DNAAF1: variants seen among roughly 807,000 people sequenced by gnomAD.
The protein encoded by DNAAF1 is dynein axonemal assembly factor 1.
DNAAF1 carries 65 observed loss-of-function variants against 71.1 expected under a neutral mutation model. The ratio of observed to expected loss-of-function variants is 0.91; its 90% CI spans 0.75 to 1.12. The LOEUF is 1.12. DNAAF1 is among the 50% of genes most tolerant of loss of function. The pLI is 0.00. For synonymous variants in DNAAF1, 414 were observed against 354.6 expected (o/e 1.17, Z -1.88); for missense variants, 1,178 against 899.8 (o/e 1.31, Z -3.96).
rs988312809 is a variant in DNAAF1 at position 84,158,977 on chromosome 16, C to T, written c.742-698C>T. ...AACTCCTGACCTCAAGTGATCCACC[C>T]ACCTCAGCCTCCCAAAGTGCTGAGA... On this transcript the variant is annotated intron_variant, in intron 5 of 11. Transcript: ENST00000378553. 2.1e-5 allele frequency: 20 copies of T among 955,242 alleles called. No individual in the cohort carries two copies. The African/African-American group carries it at 3.5e-4, about 17-fold the overall frequency. 59.2% of individuals were successfully genotyped at this position (955,242 alleles called of 1,614,324 possible). A position where few individuals can be genotyped will look rare whatever the true frequency, so the allele number is the denominator to read the frequency against.
At chr16:84,150,066 A>T (rs1430012406) in intron 2 of DNAAF1, among the ~76,000 whole-genome samples, 185 bp from the exon 3 acceptor site, 1 of 152,176 alleles carries the variant, frequency 6.6e-6, no homozygotes, top group Non-Finnish European at 1.5e-5. Flanking sequence ...GAGGCCCTAA[A>T]ATCTGTACAA....
chr16:84,160,940 A>G (rs1034038851), intron 6 of DNAAF1, among the ~76,000 whole-genome samples: 3 of 151,298 alleles, frequency 2.0e-5, no homozygotes, highest in Non-Finnish European at 3.0e-5. Context: ...CCGTCTCAAA[A>G]AAAAAAAAAA....
chr16:84,149,172 AT>A, intron 2 of DNAAF1, 30 bp downstream of exon 2: 1 of 1,613,422 alleles, frequency 6.2e-7, no homozygotes, highest in South Asian at 1.1e-5. Context: ...ATTAGTGCAC[AT>A]TTATGGAGTA....
At chr16:84,152,377 GC>G (rs1232924175) in intron 3 of DNAAF1, among the ~76,000 whole-genome samples, 1 of 152,188 alleles carries the variant, frequency 6.6e-6, no homozygotes, top group Admixed American at 6.5e-5. Context: ...TTAAGGCCAG[GC>G]GTGGTGGCTC....
At chr16:84,149,845 T>C (rs896977706) in intron 2 of DNAAF1, among the ~76,000 whole-genome samples, 2 of 150,258 alleles carry the variant, frequency 1.3e-5, no homozygotes, top group Non-Finnish European at 3.0e-5. Flanking sequence ...ACCAACATGG[T>C]GAAACCCCCC....
chr16:84,156,463 G>C (rs905584372), intron 5 of DNAAF1, among the ~76,000 whole-genome samples: 6 of 152,138 alleles, frequency 3.9e-5, no homozygotes, highest in African/African-American at 1.4e-4. Flanking sequence ...TCCTTCCACT[G>C]CCAGCTCCTC....
Position 84,176,238 on chromosome 16 carries a change from T to G in DNAAF1, c.2004T>G (p.Asp668Glu). 1 of 1,613,738 alleles carries G rather than the reference T, an allele frequency of 6.2e-7. No homozygotes were observed. The highest frequency in any genetic ancestry group is 2.2e-5 in the East Asian group (1 of 44,874). ...QLLMPPTCQR[D>E]AAPLTSSGDR... ...TGATGCCCCCCACCTGCCAAAGAGATGCTGCACCACTCACTTCCAGTGGAG... is the reference window on the plus strand; with the variant it reads ...TGATGCCCCCCACCTGCCAAAGAGAGGCTGCACCACTCACTTCCAGTGGAG... Residue 668 changes from aspartate (D) to glutamate (E), a missense_variant, in exon 11 of 12, where the codon GAT (aspartate) becomes GAG (glutamate). Physicochemically the swap from Asp to Glu is conservative, Grantham distance 45. Coordinates refer to ENST00000378553, the MANE Select transcript of DNAAF1 (RefSeq NM_178452.6).
At position 84,149,030 on chromosome 16, in the gene DNAAF1, T is replaced by C. The variant is rs1268513300; in HGVS notation, c.148T>C (p.Cys50Arg). The change falls in exon 2 of 12, where the codon TGT (cysteine) becomes CGT (arginine). Residue 50 changes from cysteine to arginine, a missense_variant. Physicochemically the swap from Cys to Arg is radical, Grantham distance 180. Coordinates refer to ENST00000378553, the MANE Select transcript of DNAAF1 (RefSeq NM_178452.6). The stretch of plus-strand genomic sequence containing the variant: ...AGAAATTAATGATCCTAAGGAAATA[T>C]GTGTGGGTTCTTCTGACACATCCTA... ...KEEINDPKEI[C>R]VGSSDTSYHS... The C allele has an allele frequency of 6.2e-7, 1 of 1,614,140 alleles. No homozygotes were observed. The highest frequency in any genetic ancestry group is 1.3e-5 in the African/African-American group (1 of 75,036).
intron 11 of DNAAF1, chr16:84,176,676 G>A (rs1305323408): frequency 3.4e-5 from 12 of 351,800 alleles, no homozygotes; most frequent in Middle Eastern, 2.0e-3. Context: ...CTTTTGGAGG[G>A]GACCACCAAC....
chr16:84,172,585 G>A lies in DNAAF1; in HGVS notation c.1644+210G>A, dbSNP rs1039541434. ...AATCCAACTTTCATGCACTGCCCTA[G>A]GTGATTCGTGCACATGCATGCTCAA... On this transcript the variant is annotated intron_variant, in intron 9 of 11. Transcript: ENST00000378553. The A allele has an allele frequency of 1.8e-5, 25 of 1,388,854 alleles. No homozygotes were observed. The South Asian group carries it at 3.5e-4, about 20-fold the overall frequency. The allele number at this position is 1,388,854 out of a possible 1,614,324, so 86.0% of individuals were successfully genotyped here. A position where few individuals can be genotyped will look rare whatever the true frequency, so the allele number is the denominator to read the frequency against.
intron 5 of DNAAF1, among the ~76,000 whole-genome samples, chr16:84,159,383 C>G (rs914327156): frequency 6.6e-6 from 1 of 152,148 alleles, no homozygotes; most frequent in African/African-American, 2.4e-5. Flanking sequence ...ATCAACTGCA[C>G]TCAGAAAAAG....
intron 6 of DNAAF1, among the ~76,000 whole-genome samples, 173 bp from the exon 7 acceptor site, chr16:84,165,610 C>T (rs2087931526): frequency 6.6e-6 from 1 of 152,086 alleles, no homozygotes; most frequent in Non-Finnish European, 1.5e-5. Context: ...TCTAAGAAGG[C>T]TTTGCAGACT....
At chr16:84,171,580 C>T (rs916675622) in intron 8 of DNAAF1, among the ~76,000 whole-genome samples, 7 of 152,224 alleles carry the variant, frequency 4.6e-5, no homozygotes, top group Non-Finnish European at 7.3e-5. Context: ...CCTGGTGCAG[C>T]AGGAGGGGCG....
chr16:84,170,404 G>T (rs756057821), intron 8 of DNAAF1, 48 bp downstream of exon 8: 1 of 1,612,102 alleles, frequency 6.2e-7, no homozygotes, highest in Non-Finnish European at 8.5e-7. Flanking sequence ...CTCTCAGGGA[G>T]CCCCAGCCTT....
intron 9 of DNAAF1, chr16:84,172,745 T>A: frequency 8.6e-7 from 1 of 1,160,356 alleles, no homozygotes; most frequent in African/African-American, 1.6e-5. Flanking sequence ...GAGAGTTACA[T>A]TGTATCATCA....
At chr16:84,145,704 G>A (rs953217627) in intron 1 of DNAAF1, 140 bp downstream of exon 1, 15 of 1,160,414 alleles carry the variant, frequency 1.3e-5, no homozygotes, top group Non-Finnish European at 1.7e-5. Context: ...ACGCTCTGCA[G>A]TAGGGGCTTC....
At chr16:84,174,308 C>G in intron 9 of DNAAF1, 2 of 1,167,026 alleles carry the variant, frequency 1.7e-6, no homozygotes, top group East Asian at 1.1e-4. Context: ...TTTTATACCA[C>G]ATAGAGTTTT....
At position 84,150,294 on chromosome 16, in the gene DNAAF1, C is replaced by A; in HGVS notation, c.304C>A (p.Leu102Ile). The A allele has an allele frequency of 6.2e-7, 1 of 1,614,008 alleles. No individual in the cohort carries two copies. Among genetic ancestry groups the A allele is most frequent in the Non-Finnish European group, 8.5e-7 (1 of 1,179,890 alleles). ...SLQKLCKQHK[L>I]YITPALNDTL... ...GCAAAAACTCTGCAAGCAGCACAAG[C>A]TTTATATTACCCCAGCATTGAATGA... Residue 102 changes from leucine to isoleucine, a missense_variant, in exon 3 of 12, where the codon CTT becomes ATT. Coordinates refer to ENST00000378553, the MANE Select transcript of DNAAF1 (RefSeq NM_178452.6).
At chr16:84,152,390 C>A (rs1358836432) in intron 3 of DNAAF1, among the ~76,000 whole-genome samples, 1 of 152,180 alleles carries the variant, frequency 6.6e-6, no homozygotes, top group Non-Finnish European at 1.5e-5. Flanking sequence ...TGGTGGCTCA[C>A]GCCTGTGATC....
Sources: allele counts gnomAD v4.1 joint callset (sites outside exome capture counted in the v4.1 genomes callset), GRCh38; gene constraint gnomAD v4.1.1; transcripts MANE v1.5; gene names NCBI Gene and HGNC (gene_info 2026-07-23, HGNC 2026-07-21).